Variants in PER2 observed in about 807,000 individuals in gnomAD.
The protein encoded by PER2 is period circadian protein homolog 2.
PER2 carries 66 observed loss-of-function variants against 121.0 expected under a neutral mutation model. The ratio of observed to expected loss-of-function variants is 0.55; its 90% CI spans 0.45 to 0.67. PER2 has a LOEUF of 0.67. PER2 is among the 30% of genes least tolerant of loss of function. PER2 has a pLI of 0.00. For missense variants in PER2, 1,521 were observed against 1,635.0 expected (o/e 0.93, Z 1.20); for synonymous variants, 684 against 659.9 (o/e 1.04, Z -0.56).
chr2:238,253,558 G>C lies in PER2; in HGVS notation c.2465C>G (p.Pro822Arg). 6.2e-7 allele frequency: 1 copy of C among 1,610,790 alleles called. No homozygotes were observed. The highest frequency in any genetic ancestry group is 1.1e-5 in the South Asian group (1 of 90,758). The part of the protein sequence containing the change: ...GSGGPVSARP[P>R]LVGLNATAWS... ...GGCTGTGGCGTTCAAGCCCACCAGC[G>C]GGGGCCGGGCGGACACGGGCCCCCC... The change falls in exon 19 of 23, where the codon CCG becomes CGG. Residue 822 changes from proline to arginine, a missense_variant. Pro to Arg is a moderately radical substitution (Grantham distance 103, BLOSUM62 -2). Transcript: ENST00000254657. This position sits in a 1 kb window ranked among gnomAD's most constrained non-coding sequence, Gnocchi z 5.6.
Position 238,246,390 on chromosome 2 carries a change from G to A in PER2, c.3753C>T (p.Ile1251=), listed in dbSNP as rs143025864. ...DENGSPLNHR[I]EEQT is the part of the protein sequence containing the mutation. ...GGGGCAGGGGTTACGTCTGCTCTTC[G>A]ATCCTGTGATTCAAGGGGGATCCAT... The change falls in exon 23 of 23, where the codon ATC becomes ATT. Residue 1251 remains isoleucine (I), a synonymous_variant. Coordinates refer to ENST00000254657, the MANE Select transcript of PER2 (RefSeq NM_022817.3). The A allele has an allele frequency of 7.5e-6, 12 of 1,609,984 alleles. No homozygotes were observed. The African/African-American group carries it at 1.3e-4, about 18-fold the overall frequency.
intron 4 of PER2, among the ~76,000 whole-genome samples, chr2:238,274,102 A>G (rs1696378652): frequency 6.6e-6 from 1 of 152,272 alleles, no homozygotes; most frequent in Non-Finnish European, 1.5e-5. Context: ...AAAAAATAAC[A>G]GGCACAAGAA....
upstream of PER2, among the ~76,000 whole-genome samples, chr2:238,295,093 G>A (rs1697020444): frequency 6.6e-6 from 1 of 152,198 alleles, no homozygotes; most frequent in African/African-American, 2.4e-5. Context: ...CTCACAGAGT[G>A]TTTCCTTTGG....
intron 21 of PER2, among the ~76,000 whole-genome samples, chr2:238,249,911 G>T (rs937163181): frequency 6.6e-6 from 1 of 152,238 alleles, no homozygotes; most frequent in Non-Finnish European, 1.5e-5. Context: ...CCGCAGGACT[G>T]TGAGTTAACT....
At chr2:238,256,867 T>C (rs1695777156) in intron 17 of PER2, 55 bp downstream of exon 17, 2 of 1,567,292 alleles carry the variant, frequency 1.3e-6, no homozygotes, top group Admixed American at 1.7e-5. Context: ...GCAAACTTCT[T>C]GTTTTCATGG....
intron 3 of PER2, among the ~76,000 whole-genome samples, chr2:238,276,698 C>T (rs368230368): frequency 2.6e-4 from 39 of 152,294 alleles, no homozygotes; most frequent in African/African-American, 9.4e-4. Context: ...CTGTGTGGAA[C>T]AGAGGGTGCA....
chr2:238,253,679 A>C lies in PER2; in HGVS notation c.2344T>G (p.Ser782Ala), dbSNP rs757780876. Residue 782 changes from serine to alanine, a missense_variant, in exon 19 of 23, where the codon TCC (serine) becomes GCC (alanine). Physicochemically the swap from Ser to Ala is moderately conservative, Grantham distance 99 (BLOSUM62 1). Transcript: ENST00000254657. The surrounding 1 kb of genome is among the most constrained non-coding windows in gnomAD (Gnocchi z 5.6). ...TTTTTCCAAGGTGAATCTATTCCGG[A>C]AGTATTTCTTAGTCCAGGGGCAGCT... ...ERTAPGLRNT[S>A]GIDSPWKKTG... The C allele has an allele frequency of 1.9e-6, 3 of 1,607,458 alleles. No individual in the cohort carries two copies. The highest frequency in any genetic ancestry group is 2.6e-6 in the Non-Finnish European group (3 of 1,176,414).
intron 20 of PER2, 115 bp from the exon 21 acceptor site, chr2:238,250,858 T>C (rs574812125): frequency 9.5e-6 from 7 of 736,222 alleles, no homozygotes; most frequent in African/African-American, 5.2e-5. Flanking sequence ...TTCTTAGGTA[T>C]TGGGTATCTA....
chr2:238,260,015 A>T lies in PER2; in HGVS notation c.1581T>A (p.Ser527Arg). Residue 527 changes from serine (S) to arginine (R), a missense_variant, in exon 14 of 23, where the codon AGT (serine) becomes AGA (arginine). Transcript: ENST00000254657. ...GTTCTCCAGATTCATGAGAATAATG[A>T]CTTCTATTTTTGGTCTTGTTACCAT... ...CKNGNKTKNRSHYSHESGEQK... is the reference protein window; with the variant it reads ...CKNGNKTKNRRHYSHESGEQK... The T allele has an allele frequency of 6.6e-7, 1 of 1,510,714 alleles. No individual in the cohort carries two copies. Among genetic ancestry groups the T allele is most frequent in the Non-Finnish European group, 9.2e-7 (1 of 1,090,976 alleles). The allele number at this position is 1,510,714 out of a possible 1,614,324, so 93.6% of individuals were successfully genotyped here.
At chr2:238,290,797 G>A (rs1471611520), upstream of PER2, among the ~76,000 whole-genome samples, 2 of 152,106 alleles carry the variant, frequency 1.3e-5, no homozygotes, top group Admixed American at 6.5e-5. Flanking sequence ...AAGGGGGGAG[G>A]AGGCAGATTC....
In PER2 at chr2:238,257,001, A is replaced by G; in HGVS notation, c.1986T>C (p.Ser662=). The G allele has an allele frequency of 1.2e-6, 2 of 1,613,524 alleles. No individual in the cohort carries two copies. Among genetic ancestry groups the G allele is most frequent in the Non-Finnish European group, 1.7e-6 (2 of 1,179,906 alleles). ...TGCACTGGCTGGTGAGCGACGCCAC[A>G]CTCTCTGCCTTGCCCGGCAGTGCCA... ...TSLALPGKAE[S]VASLTSQCSY... The change falls in exon 17 of 23, where the codon AGT becomes AGC. Residue 662 remains serine (S), a synonymous_variant. Coordinates refer to ENST00000254657, the MANE Select transcript of PER2 (RefSeq NM_022817.3).
rs1299514807 is a variant in PER2 at position 238,275,781 on chromosome 2, G to A, written c.410C>T (p.Thr137Ile). ...KAKGKASTLA[T>I]LKYALRSVKQ... is the part of the protein sequence containing the mutation. ...CACGCTCCTGAGGGCGTACTTCAAG[G>A]TGGCCAGCGTACTGGCCTTGCCCTT... Residue 137 changes from threonine to isoleucine, a missense_variant, in exon 4 of 23, where the codon ACC (threonine) becomes ATC (isoleucine). Coordinates refer to ENST00000254657, the MANE Select transcript of PER2 (RefSeq NM_022817.3). 2.5e-6 allele frequency: 4 copies of A among 1,614,130 alleles called. No individual in the cohort carries two copies. Among genetic ancestry groups the A allele is most frequent in the South Asian group, 1.1e-5 (1 of 91,090 alleles).
intron 1 of PER2, among the ~76,000 whole-genome samples, chr2:238,286,007 G>A (rs1012608232): frequency 2.0e-5 from 3 of 152,128 alleles, no homozygotes; most frequent in Non-Finnish European, 2.9e-5. Flanking sequence ...AAATGTGACC[G>A]CAGCCATCCA....
intron 6 of PER2, among the ~76,000 whole-genome samples, chr2:238,270,280 G>C (rs1696243403): frequency 6.6e-6 from 1 of 152,194 alleles, no homozygotes; most frequent in Admixed American, 6.6e-5. Flanking sequence ...TGGTAAAATA[G>C]TAACTTCCTT....
Position 238,262,291 on chromosome 2 carries a change from G to C in PER2, c.1207C>G (p.Arg403Gly). 1 of 1,613,918 alleles carries C rather than the reference G, an allele frequency of 6.2e-7. No homozygotes were observed. Among genetic ancestry groups the C allele is most frequent in the East Asian group, 2.2e-5 (1 of 44,868 alleles). Residue 403 changes from arginine (R) to glycine (G), a missense_variant, in exon 11 of 23, where the codon CGG becomes GGG. Transcript: ENST00000254657. Reference sequence around the variant, plus strand: ...TCCAACGTGATGTACTCTCCGTTCCGGGCGCGAAACCGAATGGGAGAATAG... The same window carrying C: ...TCCAACGTGATGTACTCTCCGTTCCCGGCGCGAAACCGAATGGGAGAATAG... ...FDYSPIRFRARNGEYITLDTS... is the reference protein window; with the variant it reads ...FDYSPIRFRAGNGEYITLDTS...
upstream of PER2, among the ~76,000 whole-genome samples, chr2:238,288,859 C>T (rs1188002219): frequency 6.6e-6 from 1 of 152,152 alleles, no homozygotes; most frequent in Non-Finnish European, 1.5e-5. Context: ...GCGACTCCGT[C>T]TCATCTGCAT....
intron 2 of PER2, 83 bp from the exon 3 acceptor site, chr2:238,277,276 C>A: frequency 1.1e-6 from 1 of 924,184 alleles, no homozygotes; most frequent in Non-Finnish European, 1.8e-6. Context: ...CCAGTGATAA[C>A]AGGCTAGATA....
intron 8 of PER2, among the ~76,000 whole-genome samples, chr2:238,266,195 G>T (rs112805129): frequency 3.9e-5 from 6 of 151,972 alleles, no homozygotes. Flanking sequence ...GAGCCACTGC[G>T]CCCGGCCCCA....
At chr2:238,275,683 T>G in intron 4 of PER2, 60 bp downstream of exon 4, 6 of 1,525,822 alleles carry the variant, frequency 3.9e-6, no homozygotes, top group Non-Finnish European at 5.4e-6. Flanking sequence ...CAAGCTATAA[T>G]TTGGGGGGAT....
Sources: gnomAD v4.1 joint callset for allele counts (sites outside exome capture counted in the v4.1 genomes callset) on GRCh38, gnomAD v4.1.1 for gene constraint, Gnocchi (gnomAD v3.1) non-coding constraint, MANE v1.5 for transcripts, NCBI Gene and HGNC (gene_info 2026-07-23, HGNC 2026-07-21) for gene names.